The following MRPL3 variants were observed in gnomAD, a reference collection of about 807,000 sequenced individuals.
MRPL3 encodes the protein mitochondrial ribosomal protein L3.
In MRPL3, 43 loss-of-function variants were observed where a neutral mutation model predicts 44.3. That is an observed-to-expected ratio of 0.97 (90% confidence interval 0.76 to 1.25). The LOEUF is 1.25. MRPL3 is among the 50% of genes most tolerant of loss of function. The probability of loss-of-function intolerance (pLI) is 0.00; values close to 1 mark genes in which losing one functional copy is unlikely to be tolerated. For synonymous variants in MRPL3, 171 were observed against 152.3 expected (o/e 1.12, Z -0.91); for missense variants, 406 against 427.6 (o/e 0.95, Z 0.45).
At chr3:131,474,466 G>C (rs373646932) in intron 6 of MRPL3, among the ~76,000 whole-genome samples, 15 of 152,068 alleles carry the variant, frequency 9.9e-5, no homozygotes, top group Admixed American at 2.6e-4. Flanking sequence ...AAGTTCTGGT[G>C]TTCTATGGTA....
rs558867716 is a variant in MRPL3, at chr3:131,470,078, C to T, written c.739-305G>A. On this transcript the variant is annotated intron_variant, in intron 7 of 9. Transcript: ENST00000264995. ...AAAGGACAAGGGCATACAGACACAC[C>T]GACACCATCATTCAAAGAAAAAAAA... Among the ~76,000 whole-genome samples the T allele has an allele frequency of 1.5e-3, 227 of 151,890 alleles. 1 individual carries two copies. Among genetic ancestry groups the T allele is most frequent in the Non-Finnish European group, 2.6e-3 (177 of 67,930 alleles).
intron 4 of MRPL3, among the ~76,000 whole-genome samples, chr3:131,490,677 A>G (rs1452139143): frequency 2.0e-5 from 3 of 152,228 alleles, no homozygotes; most frequent in Non-Finnish European, 4.4e-5. Context: ...GAACTTCTCC[A>G]TGCTTTTACC....
At chr3:131,472,163 C>T (rs1388047726) in intron 6 of MRPL3, among the ~76,000 whole-genome samples, 1 of 152,012 alleles carries the variant, frequency 6.6e-6, no homozygotes, top group Non-Finnish European at 1.5e-5. Context: ...GCAATAGGTA[C>T]TAGTACAATA....
intron 6 of MRPL3, among the ~76,000 whole-genome samples, chr3:131,473,881 T>C (rs914081789): frequency 3.3e-5 from 5 of 152,086 alleles, no homozygotes; most frequent in Non-Finnish European, 5.9e-5. Flanking sequence ...CCAGTTAGAA[T>C]GGCTACTGTC....
At chr3:131,482,345 T>C in intron 6 of MRPL3, among the ~76,000 whole-genome samples, 1 of 151,846 alleles carries the variant, frequency 6.6e-6, no homozygotes, top group East Asian at 1.9e-4. Flanking sequence ...TGAAACTCCA[T>C]CTCTACTAAA....
rs529568848 is a variant in MRPL3, at chr3:131,486,831, A to G, written c.629+849T>C. ...GATGCTGGAGAGGATGTGGAGAAATACAAACGCTTTTACACTGTTGGTGGG... is the reference window on the plus strand; with the variant it reads ...GATGCTGGAGAGGATGTGGAGAAATGCAAACGCTTTTACACTGTTGGTGGG... On this transcript the variant is annotated intron_variant, in intron 6 of 9. Coordinates refer to ENST00000264995, the MANE Select transcript of MRPL3 (RefSeq NM_007208.4). Among the ~76,000 whole-genome samples the G allele has an allele frequency of 5.9e-5, 9 of 152,332 alleles. 1 individual carries two copies. The South Asian group carries it at 1.9e-3, about 32-fold the overall frequency.
intron 6 of MRPL3, among the ~76,000 whole-genome samples, chr3:131,483,683 A>G (rs916058434): frequency 1.3e-5 from 2 of 152,210 alleles, no homozygotes; most frequent in African/African-American, 4.8e-5. Flanking sequence ...TTGTAAGTAT[A>G]TCGTCAAGAA....
chr3:131,487,422 C>T (rs959601412), intron 6 of MRPL3: 13 of 340,098 alleles, frequency 3.8e-5, no homozygotes, highest in Non-Finnish European at 7.0e-5. Flanking sequence ...ACGTTGTGCA[C>T]ATGTACCCTA....
chr3:131,467,595 C>A lies in MRPL3; in HGVS notation c.894+496G>T, dbSNP rs569306228. 2.0e-5 allele frequency among the ~76,000 whole-genome samples: 3 copies of A among 152,156 alleles called. No homozygotes were observed. In the South Asian group the frequency reaches 6.2e-4, roughly 32 times the overall value. On this transcript the variant is annotated intron_variant, in intron 9 of 9. Coordinates refer to ENST00000264995, the MANE Select transcript of MRPL3 (RefSeq NM_007208.4). ...TCTTGTTTAAAAATGTGTAGCACCTCCCCCTTCCCTCTCTTCCTCCTGCTC... is the reference window on the plus strand; with the variant it reads ...TCTTGTTTAAAAATGTGTAGCACCTACCCCTTCCCTCTCTTCCTCCTGCTC...
chr3:131,463,599 A>G (rs1226491075), intron 9 of MRPL3, among the ~76,000 whole-genome samples: 1 of 152,150 alleles, frequency 6.6e-6, no homozygotes. Flanking sequence ...TGTATGTCAG[A>G]GCATACATTC....
intron 9 of MRPL3, among the ~76,000 whole-genome samples, chr3:131,466,776 T>C (rs1039339829): frequency 6.6e-6 from 1 of 152,048 alleles, no homozygotes; most frequent in African/African-American, 2.4e-5. Context: ...TAAATATACA[T>C]TGTATAATGA....
chr3:131,496,563 T>C (rs1457159541), intron 4 of MRPL3, among the ~76,000 whole-genome samples: 1 of 152,166 alleles, frequency 6.6e-6, no homozygotes, highest in Non-Finnish European at 1.5e-5. Flanking sequence ...CTCAAACATC[T>C]TTCCTCCAAA....
intron 3 of MRPL3, 124 bp from the exon 4 acceptor site, chr3:131,498,401 T>C (rs1449757028): frequency 1.0e-5 from 6 of 574,334 alleles, no homozygotes; most frequent in Non-Finnish European, 1.8e-5. Context: ...ATCTTTCCTC[T>C]AACACCAACC....
chr3:131,489,056 C>T (rs1271149478), intron 5 of MRPL3, among the ~76,000 whole-genome samples: 2 of 151,900 alleles, frequency 1.3e-5, no homozygotes, highest in African/African-American at 4.8e-5. Flanking sequence ...TTATCATAAA[C>T]ATAAACAAAG....
intron 6 of MRPL3, among the ~76,000 whole-genome samples, chr3:131,475,433 G>A (rs1179149868): frequency 6.6e-6 from 1 of 152,180 alleles, no homozygotes; most frequent in South Asian, 2.1e-4. Context: ...GTTGAGGTGG[G>A]AGGGCTGCTT....
chr3:131,484,581 G>GA (rs202175720), intron 6 of MRPL3, among the ~76,000 whole-genome samples: 6 of 150,802 alleles, frequency 4.0e-5, no homozygotes, highest in East Asian at 1.9e-4. Context: ...GTTTAAAAAA[G>GA]AAAAAAAAAG....
intron 7 of MRPL3, 64 bp from the exon 8 acceptor site, chr3:131,469,837 CCACAA>C: frequency 1.0e-6 from 1 of 991,554 alleles, no homozygotes; most frequent in Non-Finnish European, 1.5e-6. Context: ...ACTGATCAAA[CCACAA>C]TGTAAACTAA....
At chr3:131,466,417 C>A (rs951226069) in intron 9 of MRPL3, among the ~76,000 whole-genome samples, 2 of 152,006 alleles carry the variant, frequency 1.3e-5, no homozygotes, top group Non-Finnish European at 2.9e-5. Flanking sequence ...AAACCCCAGG[C>A]AGAATATTTA....
At chr3:131,486,385 A>C (rs1321306883) in intron 6 of MRPL3, among the ~76,000 whole-genome samples, 3 of 148,950 alleles carry the variant, frequency 2.0e-5, no homozygotes, top group Non-Finnish European at 4.5e-5. Context: ...AAAAAAAAAA[A>C]AAAAAACCAA....
Sources: allele counts gnomAD v4.1 joint callset (sites outside exome capture counted in the v4.1 genomes callset), GRCh38; gene constraint gnomAD v4.1.1; transcripts MANE v1.5; gene names NCBI Gene and HGNC (gene_info 2026-07-23, HGNC 2026-07-21).